The following DOK6 variants were observed in gnomAD, a reference collection of about 807,000 sequenced individuals.
DOK6 encodes docking protein 6.
In DOK6, 22 loss-of-function variants were observed where a neutral mutation model predicts 44.0. The observed-to-expected ratio is 0.50, with a 90% CI of 0.36 to 0.71. The LOEUF is 0.71. Ranked by LOEUF, DOK6 falls within the 30% of genes least tolerant of loss-of-function variation. The probability of loss-of-function intolerance (pLI) is 0.00; values close to 1 mark genes in which losing one functional copy is unlikely to be tolerated. For missense variants in DOK6, 340 were observed against 416.4 expected (o/e 0.82, Z 1.60); for synonymous variants, 166 against 145.5 (o/e 1.14, Z -1.01).
intron 6 of DOK6, among the ~76,000 whole-genome samples, chr18:69,751,095 G>T (rs1979161699): frequency 6.6e-6 from 1 of 152,116 alleles, no homozygotes; most frequent in Admixed American, 6.5e-5. Flanking sequence ...TGGCTACAAA[G>T]GCTAGGGGCT....
intron 2 of DOK6, among the ~76,000 whole-genome samples, chr18:69,577,321 G>T (rs541603349): frequency 2.6e-5 from 4 of 152,126 alleles, no homozygotes; most frequent in Non-Finnish European, 4.4e-5. Flanking sequence ...TATGTCATGC[G>T]ATGTGAAAGC....
At chr18:69,651,443 C>G (rs1164479021) in intron 3 of DOK6, among the ~76,000 whole-genome samples, 1 of 150,840 alleles carries the variant, frequency 6.6e-6, no homozygotes, top group Non-Finnish European at 1.5e-5. Context: ...CTTAGGGAAT[C>G]CAATCCTTGC....
chr18:69,697,883 A>T (rs1355612675), intron 4 of DOK6, among the ~76,000 whole-genome samples: 2 of 152,218 alleles, frequency 1.3e-5, no homozygotes, highest in Non-Finnish European at 2.9e-5. Flanking sequence ...CCATGACTAC[A>T]ATTTGTTTTG....
chr18:69,819,349 C>A (rs930562184), intron 7 of DOK6, among the ~76,000 whole-genome samples: 1 of 152,076 alleles, frequency 6.6e-6, no homozygotes, highest in African/African-American at 2.4e-5. Context: ...TGTTTTGCTG[C>A]TCATCAAACA....
chr18:69,459,190 TGTGTGTGTG>T (rs2122472067), intron 1 of DOK6, among the ~76,000 whole-genome samples: 1 of 2,004 alleles, frequency 5.0e-4, no homozygotes, highest in African/African-American at 6.5e-4. Context: ...AAATATTTTG[TGTGTGTGTG>T]TGTGTGTGTG....
At chr18:69,433,938 TA>T (rs1424503079) in intron 1 of DOK6, among the ~76,000 whole-genome samples, 1 of 152,190 alleles carries the variant, frequency 6.6e-6, no homozygotes, top group East Asian at 1.9e-4. Context: ...ATGGCTAATG[TA>T]AAAAGAAAAC....
chr18:69,455,950 T>A (rs1158741188), intron 1 of DOK6, among the ~76,000 whole-genome samples: 1 of 152,194 alleles, frequency 6.6e-6, no homozygotes, highest in African/African-American at 2.4e-5. Flanking sequence ...AGACCTACAC[T>A]GACTATAGTG....
intron 2 of DOK6, among the ~76,000 whole-genome samples, chr18:69,597,068 A>AAATT (rs1275474643): frequency 6.6e-6 from 1 of 151,924 alleles, no homozygotes; most frequent in African/African-American, 2.4e-5. Flanking sequence ...AAAATTATAT[A>AAATT]AATTAATTAA....
At chr18:69,623,711 A>G (rs992607387) in intron 3 of DOK6, among the ~76,000 whole-genome samples, 1 of 152,204 alleles carries the variant, frequency 6.6e-6, no homozygotes. Context: ...AGTGTCCTAC[A>G]CTTTGAACTC....
chr18:69,536,515 C>T (rs1982126927), intron 1 of DOK6, among the ~76,000 whole-genome samples: 1 of 148,642 alleles, frequency 6.7e-6, no homozygotes, highest in African/African-American at 2.4e-5. Context: ...TGTATATAAA[C>T]AAATAATATA....
At chr18:69,825,118 T>G (rs1408466444) in intron 7 of DOK6, among the ~76,000 whole-genome samples, 1 of 152,164 alleles carries the variant, frequency 6.6e-6, no homozygotes, top group East Asian at 1.9e-4. Context: ...GTACAGGAAG[T>G]TTTTTTCAAA....
chr18:69,525,352 A>G (rs1359660589), intron 1 of DOK6, among the ~76,000 whole-genome samples: 1 of 151,942 alleles, frequency 6.6e-6, no homozygotes, highest in African/African-American at 2.4e-5. Flanking sequence ...AAAACTCTAC[A>G]TAAATATTTT....
At chr18:69,791,398 C>A (rs1423553999) in intron 7 of DOK6, among the ~76,000 whole-genome samples, 1 of 152,174 alleles carries the variant, frequency 6.6e-6, no homozygotes, top group African/African-American at 2.4e-5. Context: ...CTTCTCTCCA[C>A]ATTCTCACCA....
intron 7 of DOK6, among the ~76,000 whole-genome samples, chr18:69,775,665 A>C: frequency 6.6e-6 from 1 of 151,958 alleles, no homozygotes; most frequent in East Asian, 1.9e-4. Context: ...ACTATAAAAT[A>C]AGAGAGAGAG....
intron 1 of DOK6, among the ~76,000 whole-genome samples, chr18:69,537,594 G>A (rs1982157810): frequency 6.6e-6 from 1 of 152,160 alleles, no homozygotes; most frequent in African/African-American, 2.4e-5. Flanking sequence ...CACTTATTAT[G>A]AGAAAGACAT....
intron 1 of DOK6, among the ~76,000 whole-genome samples, chr18:69,435,025 G>A (rs1038539538): frequency 8.3e-5 from 6 of 72,316 alleles, no homozygotes; most frequent in East Asian, 6.4e-4. Context: ...TAGGGAGGGA[G>A]GGAAGGAAGG....
chr18:69,423,140 G>A lies in DOK6; in HGVS notation c.66+21830G>A, dbSNP rs377621878. Reference sequence around the variant, plus strand: ...GTACATGGGGAAACCCCATCTCTACGAAGAATACAAAAATTAGCCAGTCAT... The same window carrying A: ...GTACATGGGGAAACCCCATCTCTACAAAGAATACAAAAATTAGCCAGTCAT... On this transcript the variant is annotated intron_variant, in intron 1 of 7. Transcript: ENST00000382713. Among the ~76,000 whole-genome samples, 164 of 152,110 alleles carry A rather than the reference G, an allele frequency of 1.1e-3. 1 individual carries two copies. Among genetic ancestry groups the A allele is most frequent in the African/African-American group, 3.7e-3 (152 of 41,536 alleles).
chr18:69,802,729 G>A (rs1980939826), intron 7 of DOK6, among the ~76,000 whole-genome samples: 1 of 151,948 alleles, frequency 6.6e-6, no homozygotes, highest in South Asian at 2.1e-4. Context: ...GCTCTCTCTT[G>A]GCCTTCTGCT....
intron 3 of DOK6, among the ~76,000 whole-genome samples, chr18:69,616,955 G>A (rs1984299355): frequency 6.6e-6 from 1 of 152,124 alleles, no homozygotes; most frequent in African/African-American, 2.4e-5. Flanking sequence ...CTCTTAATAA[G>A]CTAACAAGAA....
Sources: allele counts gnomAD v4.1 joint callset (sites outside exome capture counted in the v4.1 genomes callset), GRCh38; gene constraint gnomAD v4.1.1; transcripts MANE v1.5; gene names NCBI Gene and HGNC (gene_info 2026-07-23, HGNC 2026-07-21).